Variants in CACNA2D3 observed in about 807,000 individuals in gnomAD.
CACNA2D3 encodes the protein voltage-dependent calcium channel subunit alpha-2/delta-3.
Under a neutral mutation model 160.6 loss-of-function variants are expected in CACNA2D3, and 60 were observed. That is an observed-to-expected ratio of 0.37 (90% CI 0.30 to 0.46). The LOEUF (loss-of-function observed/expected upper bound fraction) is 0.46. Ranked by LOEUF, CACNA2D3 falls within the 20% of genes least tolerant of loss-of-function variation. The pLI is 1.00. For synonymous variants in CACNA2D3, 558 were observed against 492.9 expected (o/e 1.13, Z -1.75); for missense variants, 1,205 against 1,365.0 (o/e 0.88, Z 1.85).
chr3:54,133,411 C>G (rs1699756573), intron 2 of CACNA2D3, among the ~76,000 whole-genome samples: 1 of 152,168 alleles, frequency 6.6e-6, no homozygotes, highest in Non-Finnish European at 1.5e-5. Flanking sequence ...GGTGCTTGAG[C>G]TGTTGTCAGG....
chr3:54,586,256 C>G (rs1437241177), intron 9 of CACNA2D3, among the ~76,000 whole-genome samples: 1 of 90,272 alleles, frequency 1.1e-5, no homozygotes, highest in African/African-American at 5.2e-5. Flanking sequence ...AGAGCGAGAT[C>G]CATCTCAAAA....
intron 12 of CACNA2D3, among the ~76,000 whole-genome samples, chr3:54,760,037 C>CCTG (rs1291220712): frequency 6.6e-6 from 1 of 152,186 alleles, no homozygotes; most frequent in African/African-American, 2.4e-5. Flanking sequence ...ACTAATGGCT[C>CCTG]CTGCATACCT....
intron 11 of CACNA2D3, among the ~76,000 whole-genome samples, chr3:54,675,899 A>G (rs905039419): frequency 3.9e-5 from 6 of 152,032 alleles, no homozygotes; most frequent in Non-Finnish European, 8.8e-5. Context: ...CCCTTCCAAG[A>G]TGGTGTCCTC....
intron 2 of CACNA2D3, among the ~76,000 whole-genome samples, chr3:54,296,741 G>A (rs1015434690): frequency 2.3e-4 from 35 of 152,266 alleles, no homozygotes; most frequent in Middle Eastern, 3.4e-3. Flanking sequence ...CCTTAATTAG[G>A]TTTCAAGCTT....
chr3:55,055,549 A>T (rs942021138), intron 35 of CACNA2D3, among the ~76,000 whole-genome samples: 1 of 152,044 alleles, frequency 6.6e-6, no homozygotes, highest in Admixed American at 6.5e-5. Context: ...GTGATTTCTC[A>T]TGAATTTTGG....
chr3:55,005,212 G>A (rs906668757), intron 32 of CACNA2D3, among the ~76,000 whole-genome samples: 9 of 151,942 alleles, frequency 5.9e-5, no homozygotes, highest in African/African-American at 2.2e-4. Context: ...GGAGGAGGAG[G>A]TTGCAGTGAG....
intron 11 of CACNA2D3, among the ~76,000 whole-genome samples, chr3:54,749,311 G>A (rs552360199): frequency 6.6e-6 from 1 of 152,300 alleles, no homozygotes; most frequent in South Asian, 2.1e-4. Flanking sequence ...CCATGAACTT[G>A]TAGCCAGTCA....
Position 54,184,449 on chromosome 3 carries a change from A to G in CACNA2D3, c.204+60855A>G, listed in dbSNP as rs118058562. On this transcript the variant is annotated intron_variant, in intron 2 of 37. Coordinates refer to ENST00000474759, the MANE Select transcript of CACNA2D3 (RefSeq NM_018398.3). ...TTAGAGAGTCTGGGTCATTTGCCCA[A>G]GATCATGAGCTTAGAGTCCTGAGGT... Among the ~76,000 whole-genome samples the G allele has an allele frequency of 8.3e-4, 127 of 152,338 alleles. No homozygotes were observed. The East Asian group carries it at 0.017, about 20-fold the overall frequency.
chr3:54,265,601 A>G (rs554456888), intron 2 of CACNA2D3, among the ~76,000 whole-genome samples: 10 of 131,060 alleles, frequency 7.6e-5, no homozygotes, highest in East Asian at 2.2e-4. Context: ...TATAGTGTGT[A>G]TATATATAGT....
rs190783746 is a variant in CACNA2D3 at position 54,874,322 on chromosome 3, G to A, written c.1710+2700G>A. Among the ~76,000 whole-genome samples, 27 of 152,310 alleles carry A rather than the reference G, an allele frequency of 1.8e-4. 1 individual carries two copies. The highest frequency in any genetic ancestry group is 1.1e-3 in the Admixed American group (17 of 15,304). On this transcript the variant is annotated intron_variant, in intron 18 of 37. Coordinates refer to ENST00000474759, the MANE Select transcript of CACNA2D3 (RefSeq NM_018398.3). The stretch of plus-strand genomic sequence containing the variant: ...AGTAGGGCAGATCTTTGGCGGACCC[G>A]TGTGCCAGCAGGGGATTTTGAGACA...
At chr3:54,355,665 T>A (rs1177741845) in intron 3 of CACNA2D3, among the ~76,000 whole-genome samples, 2 of 152,154 alleles carry the variant, frequency 1.3e-5, no homozygotes, top group Admixed American at 1.3e-4. Context: ...ATTACACATG[T>A]ACCTGGAGAT....
intron 2 of CACNA2D3, among the ~76,000 whole-genome samples, chr3:54,207,807 A>C (rs909121915): frequency 6.6e-6 from 1 of 152,010 alleles, no homozygotes; most frequent in Non-Finnish European, 1.5e-5. Context: ...GCCACGAGAT[A>C]GGGCCGCTTG....
At chr3:54,773,801 A>G (rs1490115720) in intron 13 of CACNA2D3, among the ~76,000 whole-genome samples, 2 of 152,198 alleles carry the variant, frequency 1.3e-5, no homozygotes, top group African/African-American at 4.8e-5. Context: ...CAGAGTTGGT[A>G]TTATAAAACC....
intron 35 of CACNA2D3, among the ~76,000 whole-genome samples, chr3:55,032,712 G>A (rs756222289): frequency 2.0e-5 from 3 of 152,112 alleles, no homozygotes; most frequent in Non-Finnish European, 4.4e-5. Context: ...ACAGGGGATT[G>A]GCTTGATGTG....
chr3:55,070,317 G>T (rs1277829903), intron 35 of CACNA2D3, among the ~76,000 whole-genome samples: 1 of 152,138 alleles, frequency 6.6e-6, no homozygotes, highest in South Asian at 2.1e-4. Context: ...GATGTGTGAA[G>T]AGAGAGAGTT....
At chr3:54,307,276 G>T (rs1027893674) in intron 2 of CACNA2D3, among the ~76,000 whole-genome samples, 1 of 152,160 alleles carries the variant, frequency 6.6e-6, no homozygotes, top group African/African-American at 2.4e-5. Flanking sequence ...AGAGGGTAAA[G>T]ATGATGTCTT....
chr3:54,966,130 G>A (rs1445948941), intron 27 of CACNA2D3, among the ~76,000 whole-genome samples: 4 of 152,022 alleles, frequency 2.6e-5, no homozygotes, highest in African/African-American at 9.7e-5. Context: ...ATCAGAGAAC[G>A]GGGGTGGGGG....
chr3:54,697,027 A>G (rs1700678355), intron 11 of CACNA2D3, among the ~76,000 whole-genome samples: 1 of 152,198 alleles, frequency 6.6e-6, no homozygotes, highest in Non-Finnish European at 1.5e-5. Flanking sequence ...CTGTAATCCC[A>G]GCACTTTGGG....
intron 14 of CACNA2D3, among the ~76,000 whole-genome samples, chr3:54,818,429 C>G (rs538988699): frequency 5.3e-4 from 81 of 152,310 alleles, no homozygotes; most frequent in African/African-American, 1.8e-3. Flanking sequence ...GATCTGCCTG[C>G]CTCGGCCTCA....
Sources: gnomAD v4.1 joint callset for allele counts (sites outside exome capture counted in the v4.1 genomes callset) on GRCh38, gnomAD v4.1.1 for gene constraint, MANE v1.5 for transcripts, NCBI Gene and HGNC (gene_info 2026-07-23, HGNC 2026-07-21) for gene names.